The following NPHP4 variants were observed in gnomAD, a reference collection of about 807,000 sequenced individuals.
NPHP4 encodes nephrocystin 4, also known as nephrocystin-4.
In NPHP4, 151 loss-of-function variants were observed where a neutral mutation model predicts 155.8. That is an observed-to-expected ratio of 0.97 (90% CI 0.85 to 1.11). The LOEUF (loss-of-function observed/expected upper bound fraction) is 1.11. Among genes scored for constraint, NPHP4 ranks in the 50% least tolerant of loss-of-function variants. The pLI, the probability that NPHP4 is intolerant of heterozygous loss-of-function variation, is 0.00. For missense variants in NPHP4, 1,956 were observed against 1,925.7 expected (o/e 1.02, Z -0.29); for synonymous variants, 845 against 816.8 (o/e 1.03, Z -0.59).
chr1:5,894,695 A>T (rs934991849), intron 16 of NPHP4, among the ~76,000 whole-genome samples: 7 of 152,236 alleles, frequency 4.6e-5, no homozygotes, highest in Non-Finnish European at 7.3e-5. Context: ...TCAAAAAAAA[A>T]ATAGGAAGAT....
rs1645113506 is a variant in NPHP4 at position 5,910,234 on chromosome 1, G to A, written c.1442-1021C>T. Among the ~76,000 whole-genome samples the A allele has an allele frequency of 6.6e-6, 1 of 152,146 alleles. No homozygotes were observed. Among genetic ancestry groups the A allele is most frequent in the Non-Finnish European group, 1.5e-5 (1 of 68,034 alleles). On this transcript the variant is annotated intron_variant, in intron 11 of 29. Transcript: ENST00000378156. This position sits in a 1 kb window ranked among gnomAD's most constrained non-coding sequence, Gnocchi z 5.4. ...GCCCTGCACACTGAGTCATCTGCCT[G>A]GCTTCCCTGAGGCCCACAGCCCAGT...
chr1:5,991,921 CCA>C (rs1656406968), intron 1 of NPHP4, among the ~76,000 whole-genome samples: 2 of 100,962 alleles, frequency 2.0e-5, no homozygotes, highest in Non-Finnish European at 4.1e-5. Context: ...TGCAGAGAGG[CCA>C]GGGGGCAGGG....
At chr1:5,971,625 T>C (rs911364517) in intron 3 of NPHP4, among the ~76,000 whole-genome samples, 2 of 152,162 alleles carry the variant, frequency 1.3e-5, no homozygotes, top group African/African-American at 2.4e-5. Context: ...AGCAAAGTCA[T>C]ATTCGACCAG....
In NPHP4 at chr1:5,877,291, G is replaced by C; in HGVS notation, c.2619C>G (p.His873Gln). ...LLTTGSSRRK[H>Q]VVQAQKLADV... ...CCGCCAGCTTCTGTGCTTGCACCAC[G>C]TGTTTTCCTGCGAAAGGGTCAGAGC... Residue 873 changes from histidine to glutamine, a missense_variant, in exon 20 of 30, where the codon CAC (histidine) becomes CAG (glutamine). Physicochemically the swap from His to Gln is conservative, Grantham distance 24 (BLOSUM62 0). Coordinates refer to ENST00000378156, the MANE Select transcript of NPHP4 (RefSeq NM_015102.5). 1 of 1,591,340 alleles carries C rather than the reference G, an allele frequency of 6.3e-7. No individual in the cohort carries two copies. Among genetic ancestry groups the C allele is most frequent in the Non-Finnish European group, 8.6e-7 (1 of 1,162,908 alleles).
At chr1:5,942,754 T>G (rs1170028711) in intron 9 of NPHP4, among the ~76,000 whole-genome samples, 2 of 152,074 alleles carry the variant, frequency 1.3e-5, no homozygotes, top group Non-Finnish European at 2.9e-5. Context: ...GGCCATTGAT[T>G]TTGTTCCAAG....
At chr1:5,886,199 C>A (rs1419218263) in intron 18 of NPHP4, among the ~76,000 whole-genome samples, 1 of 152,254 alleles carries the variant, frequency 6.6e-6, no homozygotes, top group South Asian at 2.1e-4. Context: ...CTGCTCCTCA[C>A]ATGTGGCTCA....
At chr1:5,912,549 AAAAAAAG>A (rs796295333) in intron 11 of NPHP4, among the ~76,000 whole-genome samples, 2,447 of 100,726 alleles carry the variant, frequency 0.024, 30 homozygotes, top group African/African-American at 0.049. Flanking sequence ...AAAAAAAAAA[AAAAAAAG>A]AAAAAAGAAA....
At position 5,887,296 on chromosome 1, in the gene NPHP4, C is replaced by A; in HGVS notation, c.2475G>T (p.Leu825Phe). 1 of 1,612,856 alleles carries A rather than the reference C, an allele frequency of 6.2e-7. No individual in the cohort carries two copies. The highest frequency in any genetic ancestry group is 8.5e-7 in the Non-Finnish European group (1 of 1,179,630). The change falls in exon 18 of 30, where the codon TTG becomes TTT. Residue 825 changes from leucine (L) to phenylalanine (F), a missense_variant. Coordinates refer to ENST00000378156, the MANE Select transcript of NPHP4 (RefSeq NM_015102.5). The part of the protein sequence containing the change: ...SVVKGRLHLT[L>F]ANVGHPCEQK... ...GCTGGGGACTCTTACCCACGTTGGC[C>A]AAAGTCAGGTGCAGCCGGCCCTTCA...
chr1:5,872,006 GATT>G (rs142216967), intron 23 of NPHP4, among the ~76,000 whole-genome samples: 25,138 of 152,182 alleles, frequency 0.17, 2,276 homozygotes, highest in South Asian at 0.25. Flanking sequence ...CTGACGTAAA[GATT>G]ATTTTAAGGT....
chr1:5,916,796 T>C (rs1220117220), intron 11 of NPHP4, among the ~76,000 whole-genome samples: 1 of 152,162 alleles, frequency 6.6e-6, no homozygotes, highest in Non-Finnish European at 1.5e-5. Context: ...TCACCTGAGG[T>C]CAGGAGTTCA....
At chr1:5,959,431 C>T (rs1649889362) in intron 6 of NPHP4, among the ~76,000 whole-genome samples, 1 of 152,182 alleles carries the variant, frequency 6.6e-6, no homozygotes, top group African/African-American at 2.4e-5. Flanking sequence ...GTCCCCTTGG[C>T]CCCAGCTTGA....
intron 11 of NPHP4, 59 bp from the exon 12 acceptor site, chr1:5,909,272 G>A (rs1645063563): frequency 5.8e-6 from 8 of 1,377,102 alleles, no homozygotes; most frequent in African/African-American, 1.4e-5. Flanking sequence ...TGGGGGCAGT[G>A]GGCCCCTGAA....
chr1:5,955,302 C>T (rs959723100), intron 6 of NPHP4, among the ~76,000 whole-genome samples: 1 of 152,196 alleles, frequency 6.6e-6, no homozygotes, highest in East Asian at 1.9e-4. Context: ...ATTACAACAG[C>T]CACTATGGAA....
At chr1:5,979,956 G>A (rs912886337) in intron 2 of NPHP4, among the ~76,000 whole-genome samples, 10 of 152,042 alleles carry the variant, frequency 6.6e-5, no homozygotes, top group East Asian at 1.9e-4. Context: ...AAACCAACCC[G>A]TCCAGAGACC....
chr1:5,948,652 G>C (rs1647301026), intron 7 of NPHP4, among the ~76,000 whole-genome samples: 1 of 151,918 alleles, frequency 6.6e-6, no homozygotes, highest in African/African-American at 2.4e-5. Context: ...TTTCCCAGAG[G>C]CTGCTTCCCC....
chr1:5,865,352 G>A, intron 26 of NPHP4, 79 bp from the exon 27 acceptor site: 1 of 1,310,982 alleles, frequency 7.6e-7, no homozygotes, highest in South Asian at 1.5e-5. Context: ...AGGGCTGCCA[G>A]GAGCGTGGGC....
intron 2 of NPHP4, among the ~76,000 whole-genome samples, chr1:5,980,628 C>G (rs1239867037): frequency 6.6e-6 from 1 of 151,874 alleles, no homozygotes; most frequent in African/African-American, 2.4e-5. Context: ...TGACAGGAAG[C>G]AGGCACCGCT....
At position 5,910,777 on chromosome 1, in the gene NPHP4, C is replaced by T. The variant is rs1478202725; in HGVS notation, c.1442-1564G>A. On this transcript the variant is annotated intron_variant, in intron 11 of 29. Coordinates refer to ENST00000378156, the MANE Select transcript of NPHP4 (RefSeq NM_015102.5). The surrounding 1 kb of genome is among the most constrained non-coding windows in gnomAD (Gnocchi z 5.4). The stretch of plus-strand genomic sequence containing the variant: ...CACGACCATCGGAGCCAATCCCCGC[C>T]GTGCCTCTCCCAGCAGCTTCCAGAA... Among the ~76,000 whole-genome samples, 2 of 152,238 alleles carry T rather than the reference C, an allele frequency of 1.3e-5. No homozygotes were observed. The highest frequency in any genetic ancestry group is 2.9e-5 in the Non-Finnish European group (2 of 68,040).
intron 8 of NPHP4, among the ~76,000 whole-genome samples, 159 bp downstream of exon 8, chr1:5,947,911 T>C (rs558931258): frequency 2.6e-5 from 4 of 152,028 alleles, no homozygotes; most frequent in African/African-American, 7.2e-5. Context: ...AACTTCCAAC[T>C]CCAAAGTTTG....
Sources: allele counts gnomAD v4.1 joint callset (sites outside exome capture counted in the v4.1 genomes callset), GRCh38; gene constraint gnomAD v4.1.1; non-coding constraint Gnocchi (gnomAD v3.1); transcripts MANE v1.5; gene names NCBI Gene and HGNC (gene_info 2026-07-23, HGNC 2026-07-21).